The following KHDRBS3 variants were observed in gnomAD, a reference collection of about 807,000 sequenced individuals.
KHDRBS3 encodes KH RNA binding domain containing, signal transduction associated 3.
A neutral mutation model predicts 45.6 loss-of-function variants in KHDRBS3; 23 were observed. That is an observed-to-expected ratio of 0.50 (90% confidence interval 0.36 to 0.72). KHDRBS3 has a LOEUF of 0.72. Among genes scored for constraint, KHDRBS3 ranks in the 30% least tolerant of loss-of-function variants. The probability of loss-of-function intolerance (pLI) is 0.00; values close to 1 mark genes in which losing one functional copy is unlikely to be tolerated. For missense variants in KHDRBS3, 352 were observed against 424.8 expected (o/e 0.83, Z 1.51); for synonymous variants, 162 against 156.5 (o/e 1.04, Z -0.26).
chr8:135,481,174 C>T (rs1464764307), intron 1 of KHDRBS3, among the ~76,000 whole-genome samples: 1 of 148,048 alleles, frequency 6.8e-6, no homozygotes, highest in African/African-American at 2.5e-5. Flanking sequence ...TCTCTTTGAC[C>T]CTGAGGTTAC....
chr8:135,516,570 T>TTG (rs56155377), intron 1 of KHDRBS3, among the ~76,000 whole-genome samples: 10,764 of 149,062 alleles, frequency 0.072, 461 homozygotes, highest in African/African-American at 0.13. Flanking sequence ...GTTTCTTACA[T>TTG]TGTGTGTGTG....
chr8:135,580,984 A>G (rs1169430008), intron 5 of KHDRBS3, among the ~76,000 whole-genome samples: 2 of 152,118 alleles, frequency 1.3e-5, no homozygotes, highest in Non-Finnish European at 2.9e-5. Flanking sequence ...AGGTTTATCA[A>G]TTTCATCAGT....
intron 4 of KHDRBS3, among the ~76,000 whole-genome samples, chr8:135,654,737 G>A (rs1831497403): frequency 6.6e-6 from 1 of 152,146 alleles, no homozygotes; most frequent in African/African-American, 2.4e-5. Context: ...GGCCCGTGGT[G>A]GGGCAGGCTT....
intron 6 of KHDRBS3, among the ~76,000 whole-genome samples, chr8:135,602,482 T>A (rs900846762): frequency 6.6e-6 from 1 of 152,200 alleles, no homozygotes; most frequent in Non-Finnish European, 1.5e-5. Context: ...AAAATTCAGA[T>A]AAATTGCTAG....
At chr8:135,508,033 A>G (rs1358250031) in intron 1 of KHDRBS3, among the ~76,000 whole-genome samples, 1 of 152,242 alleles carries the variant, frequency 6.6e-6, no homozygotes, top group Non-Finnish European at 1.5e-5. Context: ...CTTTAATATC[A>G]TCATACGGAA....
intron 6 of KHDRBS3, among the ~76,000 whole-genome samples, chr8:135,588,402 G>T (rs542815650): frequency 6.6e-6 from 1 of 152,232 alleles, no homozygotes; most frequent in South Asian, 2.1e-4. Context: ...GCCTGCAGGC[G>T]CTCCAAACCC....
At chr8:135,569,496 C>T (rs936583632) in intron 5 of KHDRBS3, among the ~76,000 whole-genome samples, 1 of 152,224 alleles carries the variant, frequency 6.6e-6, no homozygotes, top group Middle Eastern at 3.4e-3. Flanking sequence ...AGGAGTTTTT[C>T]TAAGTTTGGA....
chr8:135,651,733 T>C (rs1213671364), downstream of KHDRBS3, among the ~76,000 whole-genome samples: 1 of 152,204 alleles, frequency 6.6e-6, no homozygotes, highest in Non-Finnish European at 1.5e-5. Flanking sequence ...TGCTCTCACT[T>C]TTTCATCCTC....
chr8:135,502,419 A>G (rs1823780453), intron 1 of KHDRBS3, among the ~76,000 whole-genome samples: 1 of 152,060 alleles, frequency 6.6e-6, no homozygotes. Flanking sequence ...ATCCAAGCCC[A>G]TTTGTTTGGG....
intron 5 of KHDRBS3, among the ~76,000 whole-genome samples, chr8:135,580,243 C>T (rs759639711): frequency 2.0e-5 from 3 of 152,212 alleles, no homozygotes; most frequent in Non-Finnish European, 4.4e-5. Context: ...GAACGAGGCA[C>T]TTCCAATGAC....
intron 1 of KHDRBS3, chr8:135,458,852 A>G: frequency 2.2e-6 from 1 of 456,018 alleles, no homozygotes; most frequent in Non-Finnish European, 4.4e-6. Flanking sequence ...CCTACCCGGG[A>G]CAGTGTTCCC....
At chr8:135,608,887 G>T (rs962608092) in intron 7 of KHDRBS3, among the ~76,000 whole-genome samples, 6 of 152,102 alleles carry the variant, frequency 3.9e-5, no homozygotes, top group African/African-American at 1.2e-4. Flanking sequence ...ATCTAAACAT[G>T]TATAAACAGA....
At chr8:135,655,899 G>A (rs2131226473) in intron 4 of KHDRBS3, among the ~76,000 whole-genome samples, 1 of 152,202 alleles carries the variant, frequency 6.6e-6, no homozygotes, top group South Asian at 2.1e-4. Context: ...ACTCTGCCAG[G>A]GTGGACCCCT....
intron 2 of KHDRBS3, among the ~76,000 whole-genome samples, chr8:135,524,209 C>T (rs1422298474): frequency 6.6e-6 from 1 of 152,034 alleles, no homozygotes; most frequent in Non-Finnish European, 1.5e-5. Flanking sequence ...AGAGATGAGC[C>T]TTCTCCATGT....
At chr8:135,507,556 A>G (rs1443390682) in intron 1 of KHDRBS3, among the ~76,000 whole-genome samples, 1 of 152,300 alleles carries the variant, frequency 6.6e-6, no homozygotes, top group Non-Finnish European at 1.5e-5. Context: ...TTTTTTAACG[A>G]AATCCCTACG....
At chr8:135,573,383 TTC>T (rs1827798739) in intron 5 of KHDRBS3, among the ~76,000 whole-genome samples, 1 of 152,334 alleles carries the variant, frequency 6.6e-6, no homozygotes, top group South Asian at 2.1e-4. Context: ...GAGTTGTACT[TTC>T]TGTCTCCTTC....
At chr8:135,501,898 T>G (rs540814810) in intron 1 of KHDRBS3, among the ~76,000 whole-genome samples, 1 of 152,334 alleles carries the variant, frequency 6.6e-6, no homozygotes, top group African/African-American at 2.4e-5. Flanking sequence ...ATGAATTCTT[T>G]CACTGAATTC....
At chr8:135,540,832 CT>C (rs2130766091) in intron 2 of KHDRBS3, 1 of 152,324 alleles carries the variant, frequency 6.6e-6, no homozygotes, top group East Asian at 1.9e-4. Context: ...GAAAACAGAA[CT>C]TCCAGTCAGC....
intron 7 of KHDRBS3, among the ~76,000 whole-genome samples, chr8:135,623,901 A>C (rs1325032757): frequency 6.6e-6 from 1 of 152,244 alleles, no homozygotes; most frequent in Admixed American, 6.5e-5. Context: ...CAATGCAAAT[A>C]CATCAGGGGC....
Sources: gnomAD v4.1 joint callset for allele counts (sites outside exome capture counted in the v4.1 genomes callset) on GRCh38, gnomAD v4.1.1 for gene constraint, MANE v1.5 for transcripts, NCBI Gene and HGNC (gene_info 2026-07-23, HGNC 2026-07-21) for gene names.